SLC4A5: variants seen among roughly 807,000 people sequenced by gnomAD.
SLC4A5 encodes the protein electrogenic sodium bicarbonate cotransporter 4.
A neutral mutation model predicts 120.4 loss-of-function variants in SLC4A5; 96 were observed. The observed-to-expected ratio is 0.80, with a 90% CI of 0.68 to 0.94. The LOEUF is 0.94. Among genes scored for constraint, SLC4A5 ranks in the 40% least tolerant of loss-of-function variants. The pLI, the probability that SLC4A5 is intolerant of heterozygous loss-of-function variation, is 0.00. For missense variants in SLC4A5, 1,259 were observed against 1,459.5 expected (o/e 0.86, Z 2.24); for synonymous variants, 550 against 571.1 (o/e 0.96, Z 0.53).
intron 25 of SLC4A5, among the ~76,000 whole-genome samples, chr2:74,229,471 G>A (rs1694984620): frequency 6.6e-6 from 1 of 151,984 alleles, no homozygotes; most frequent in African/African-American, 2.4e-5. Context: ...GGCCAGGCTG[G>A]TCTTGAACTC....
chr2:74,312,256 T>C (rs554264242), intron 6 of SLC4A5, among the ~76,000 whole-genome samples: 12 of 151,944 alleles, frequency 7.9e-5, no homozygotes, highest in Admixed American at 7.2e-4. Flanking sequence ...TGTGTGTGTG[T>C]GTGTGTGTGT....
intron 2 of SLC4A5, among the ~76,000 whole-genome samples, chr2:74,340,272 A>C (rs907835134): frequency 1.3e-5 from 2 of 152,236 alleles, no homozygotes; most frequent in African/African-American, 4.8e-5. Flanking sequence ...AGCTATGTTA[A>C]ATGTAGATTA....
At chr2:74,264,690 A>G (rs1324012759) in intron 9 of SLC4A5, among the ~76,000 whole-genome samples, 1 of 152,188 alleles carries the variant, frequency 6.6e-6, no homozygotes, top group African/African-American at 2.4e-5. Context: ...TGCTAGAACA[A>G]AACTCACAAA....
At chr2:74,293,878 T>A (rs1672249537) in intron 7 of SLC4A5, among the ~76,000 whole-genome samples, 1 of 151,836 alleles carries the variant, frequency 6.6e-6, no homozygotes, top group Admixed American at 6.6e-5. Context: ...AAACCATAAG[T>A]GTAAAGGTTA....
intron 20 of SLC4A5, among the ~76,000 whole-genome samples, chr2:74,240,035 A>T (rs147069097): frequency 2.7e-5 from 4 of 147,560 alleles, no homozygotes; most frequent in African/African-American, 9.9e-5. Context: ...ATATACATAT[A>T]TAAATTTATA....
chr2:74,290,489 T>A, intron 7 of SLC4A5: 1 of 985,104 alleles, frequency 1.0e-6, no homozygotes, highest in Non-Finnish European at 1.2e-6. Flanking sequence ...AGAGAGAGGC[T>A]ATATGTAGAG....
At chr2:74,263,205 A>G (rs1021270018) in intron 10 of SLC4A5, among the ~76,000 whole-genome samples, 3 of 152,056 alleles carry the variant, frequency 2.0e-5, no homozygotes, top group Admixed American at 6.5e-5. Flanking sequence ...ACACTTGGCT[A>G]ATTTTTTGTA....
intron 3 of SLC4A5, among the ~76,000 whole-genome samples, chr2:74,334,794 C>T (rs1673443286): frequency 6.6e-6 from 1 of 151,900 alleles, no homozygotes; most frequent in African/African-American, 2.4e-5. Context: ...TTATATCTAC[C>T]TCAATGGTTA....
At chr2:74,293,936 G>C (rs938932684) in intron 7 of SLC4A5, among the ~76,000 whole-genome samples, 1 of 152,174 alleles carries the variant, frequency 6.6e-6, no homozygotes, top group Non-Finnish European at 1.5e-5. Context: ...ATTAAGCCTA[G>C]TCATGTGAAA....
At chr2:74,314,288 G>GT (rs1672897138) in intron 6 of SLC4A5, among the ~76,000 whole-genome samples, 1 of 152,066 alleles carries the variant, frequency 6.6e-6, no homozygotes, top group African/African-American at 2.4e-5. Flanking sequence ...TCCTCTCACG[G>GT]TAAGTATCTT....
At chr2:74,247,354 G>A in intron 18 of SLC4A5, 47 bp from the exon 19 acceptor site, 1 of 1,580,750 alleles carries the variant, frequency 6.3e-7, no homozygotes, top group Non-Finnish European at 8.6e-7. Context: ...AGGGCTCCTG[G>A]CTGTGCTTGA....
chr2:74,254,556 AGGTGCAGTGCTT>A, intron 14 of SLC4A5, 51 bp downstream of exon 14: 8 of 1,252,700 alleles, frequency 6.4e-6, no homozygotes, highest in Non-Finnish European at 9.4e-6. Flanking sequence ...TAATGAATGA[AGGTGCAGTGCTT>A]GGTGCAGGAG....
chr2:74,307,752 G>C (rs1418648028), intron 6 of SLC4A5: 1 of 673,808 alleles, frequency 1.5e-6, no homozygotes, highest in African/African-American at 1.8e-5. Context: ...GGTCGTTCAG[G>C]CTTTGCATGA....
At chr2:74,272,408 C>T (rs1024055792) in intron 8 of SLC4A5, among the ~76,000 whole-genome samples, 1 of 152,186 alleles carries the variant, frequency 6.6e-6, no homozygotes, top group African/African-American at 2.4e-5. Context: ...TAAAAACTTG[C>T]AAAAGCCTGA....
chr2:74,237,958 CG>C lies in SLC4A5; in HGVS notation c.2319+1376del, dbSNP rs563915848. On this transcript the variant is annotated intron_variant, in intron 21 of 30. Coordinates refer to ENST00000394019, the Ensembl canonical transcript of SLC4A5. ...CTCAACTAAAATTACAAAAATTAGC[CG>C]GGTGTGGTGGCAGGCGCCTGTAGTC... Among the ~76,000 whole-genome samples, 1,158 of 151,932 alleles carry C rather than the reference CG, an allele frequency of 7.6e-3. 21 individuals carry two copies. The highest frequency in any genetic ancestry group is 0.027 in the African/African-American group (1,105 of 41,426).
chr2:74,311,182 C>A (rs1672794876), intron 6 of SLC4A5, among the ~76,000 whole-genome samples: 2 of 151,908 alleles, frequency 1.3e-5, no homozygotes, highest in Non-Finnish European at 2.9e-5. Context: ...TAATGTATGT[C>A]TTCTCCCTTT....
chr2:74,307,387 G>A (rs1462053466), intron 6 of SLC4A5: 1 of 627,324 alleles, frequency 1.6e-6, no homozygotes, highest in Admixed American at 1.9e-5. Flanking sequence ...TTCATGAAGA[G>A]CAGCTCCTCG....
intron 8 of SLC4A5, among the ~76,000 whole-genome samples, chr2:74,266,205 A>G (rs1671297700): frequency 6.6e-6 from 1 of 152,208 alleles, no homozygotes; most frequent in Admixed American, 6.5e-5. Flanking sequence ...GTGTGATTCC[A>G]GGCCAGATAT....
At chr2:74,252,723 A>G (rs1670831187) in intron 15 of SLC4A5, among the ~76,000 whole-genome samples, 1 of 152,104 alleles carries the variant, frequency 6.6e-6, no homozygotes, top group Admixed American at 6.5e-5. Flanking sequence ...AGTAGCAGGG[A>G]CTATAGGTGC....
Sources: gnomAD v4.1 joint callset for allele counts (sites outside exome capture counted in the v4.1 genomes callset) on GRCh38, gnomAD v4.1.1 for gene constraint, MANE v1.5 for transcripts, NCBI Gene and HGNC (gene_info 2026-07-23, HGNC 2026-07-21) for gene names.